The following ADK variants were observed in gnomAD, a reference collection of about 807,000 sequenced individuals.
ADK encodes adenosine kinase.
ADK carries 24 observed loss-of-function variants against 44.7 expected under a neutral mutation model. The ratio of observed to expected loss-of-function variants is 0.54; its 90% CI spans 0.39 to 0.76. The LOEUF (loss-of-function observed/expected upper bound fraction) is 0.76, where lower values mean the gene tolerates loss of function less well. Among genes scored for constraint, ADK ranks in the 30% least tolerant of loss-of-function variants. ADK has a pLI of 0.00. For synonymous variants in ADK, 128 were observed against 142.6 expected (o/e 0.90, Z 0.73); for missense variants, 321 against 425.1 (o/e 0.76, Z 2.15).
intron 4 of ADK, among the ~76,000 whole-genome samples, chr10:74,339,750 CCTATT>C (rs1340718896): frequency 5.9e-5 from 9 of 152,310 alleles, no homozygotes; most frequent in Admixed American, 2.0e-4. Flanking sequence ...GATTACCTAA[CCTATT>C]CTAGTGATAT....
intron 1 of ADK, among the ~76,000 whole-genome samples, chr10:74,181,243 T>G (rs1842545214): frequency 6.6e-6 from 1 of 151,886 alleles, no homozygotes; most frequent in Non-Finnish European, 1.5e-5. Context: ...TGATTTTTTT[T>G]TGGGGGGGGT....
intron 4 of ADK, among the ~76,000 whole-genome samples, chr10:74,327,864 A>C (rs955031993): frequency 6.6e-6 from 1 of 152,156 alleles, no homozygotes; most frequent in Non-Finnish European, 1.5e-5. Context: ...GATTGCTAAA[A>C]ATGTTTAATA....
chr10:74,280,415 A>ACACACACACACACACACACAC (rs1846887028), intron 3 of ADK, among the ~76,000 whole-genome samples: 1 of 144,342 alleles, frequency 6.9e-6, no homozygotes, highest in African/African-American at 2.6e-5. Flanking sequence ...AACAAGTTTA[A>ACACACACACACACACACACAC]ACACACACAC....
At chr10:74,436,830 TA>T (rs2133112851) in intron 6 of ADK, among the ~76,000 whole-genome samples, 2 of 152,258 alleles carry the variant, frequency 1.3e-5, no homozygotes, top group Admixed American at 1.3e-4. Flanking sequence ...TCTCAGAATC[TA>T]GGGGTAATCA....
intron 3 of ADK, among the ~76,000 whole-genome samples, chr10:74,282,951 G>T (rs769105422): frequency 1.6e-4 from 25 of 152,110 alleles, no homozygotes; most frequent in South Asian, 2.1e-4. Flanking sequence ...AGTTGTTCTG[G>T]ATGACAATGG....
At chr10:74,602,257 A>T (rs915660645) in intron 9 of ADK, among the ~76,000 whole-genome samples, 1 of 152,146 alleles carries the variant, frequency 6.6e-6, no homozygotes, top group African/African-American at 2.4e-5. Flanking sequence ...CCATGAAAAG[A>T]TATCCCTGCA....
intron 10 of ADK, among the ~76,000 whole-genome samples, chr10:74,699,734 A>C (rs1856348887): frequency 3.9e-5 from 6 of 152,218 alleles, no homozygotes; most frequent in Admixed American, 3.9e-4. Context: ...AAAAATAAGC[A>C]AAAGATAAAA....
chr10:74,598,846 T>C (rs1852020512), intron 8 of ADK, among the ~76,000 whole-genome samples: 1 of 152,212 alleles, frequency 6.6e-6, no homozygotes. Context: ...TTCAAGATGA[T>C]GAAGTGAATG....
intron 3 of ADK, among the ~76,000 whole-genome samples, chr10:74,287,960 G>T (rs1488773710): frequency 6.8e-6 from 1 of 145,998 alleles, no homozygotes; most frequent in Non-Finnish European, 1.5e-5. Context: ...CCTGCCTGGG[G>T]CGATGTACTG....
At chr10:74,266,362 G>T (rs1846212778) in intron 3 of ADK, among the ~76,000 whole-genome samples, 2 of 152,164 alleles carry the variant, frequency 1.3e-5, no homozygotes, top group African/African-American at 4.8e-5. Context: ...TTCAAGACCA[G>T]CCCGGCCAAC....
At position 74,687,706 on chromosome 10, in the gene ADK, C is replaced by T. The variant is rs142914845; in HGVS notation, c.964+17437C>T. Among the ~76,000 whole-genome samples, 447 of 152,316 alleles carry T rather than the reference C, an allele frequency of 2.9e-3. 1 individual carries two copies. The highest frequency in any genetic ancestry group is 0.01 in the South Asian group (49 of 4,826). ...TTGTATCTCAAGCTAGAAACCTAGA[C>T]GCCCTTCCTGAGTCCTTCCATTCCC... On this transcript the variant is annotated intron_variant, in intron 10 of 10. Transcript: ENST00000539909.
At chr10:74,369,952 AGTATTTAAAACTCATGTAGTTT>A (rs1225627980) in intron 4 of ADK, among the ~76,000 whole-genome samples, 2 of 152,250 alleles carry the variant, frequency 1.3e-5, no homozygotes, top group Non-Finnish European at 2.9e-5. Flanking sequence ...ATATAAGATC[AGTATTTAAAACTCATGTAGTTT>A]TCTGTACTAG....
chr10:74,309,344 A>C (rs1434304858), intron 3 of ADK, among the ~76,000 whole-genome samples: 1 of 152,144 alleles, frequency 6.6e-6, no homozygotes, highest in Non-Finnish European at 1.5e-5. Flanking sequence ...TTTTTATTTT[A>C]CATGATCTTA....
At chr10:74,270,418 T>C (rs1354234708) in intron 3 of ADK, among the ~76,000 whole-genome samples, 1 of 152,250 alleles carries the variant, frequency 6.6e-6, no homozygotes, top group Non-Finnish European at 1.5e-5. Flanking sequence ...TCTGACTTAG[T>C]AGAAGACAGC....
chr10:74,416,207 CG>C (rs1844370084), intron 6 of ADK, among the ~76,000 whole-genome samples: 1 of 151,766 alleles, frequency 6.6e-6, no homozygotes, highest in Admixed American at 6.6e-5. Flanking sequence ...GAGAGGACAA[CG>C]TTTTTCCTTT....
intron 3 of ADK, among the ~76,000 whole-genome samples, chr10:74,253,182 G>A (rs1845708492): frequency 6.6e-6 from 1 of 152,260 alleles, no homozygotes; most frequent in Non-Finnish European, 1.5e-5. Flanking sequence ...TGAACAGGCA[G>A]TGTTACAGCT....
At chr10:74,689,478 A>C (rs1456094633) in intron 10 of ADK, among the ~76,000 whole-genome samples, 4 of 152,182 alleles carry the variant, frequency 2.6e-5, no homozygotes, top group African/African-American at 7.2e-5. Flanking sequence ...AAATATATTA[A>C]AGTTATCCAG....
chr10:74,176,472 AC>A, intron 1 of ADK: 1 of 1,137,360 alleles, frequency 8.8e-7, no homozygotes, highest in Non-Finnish European at 1.1e-6. Flanking sequence ...TGACTGCTAA[AC>A]CGGTTGCCAG....
At chr10:74,350,042 C>G (rs1841912995) in intron 4 of ADK, among the ~76,000 whole-genome samples, 1 of 152,178 alleles carries the variant, frequency 6.6e-6, no homozygotes, top group Non-Finnish European at 1.5e-5. Flanking sequence ...TTGAACTAAG[C>G]TCTGGACCAA....
Sources: allele counts gnomAD v4.1 joint callset (sites outside exome capture counted in the v4.1 genomes callset), GRCh38; gene constraint gnomAD v4.1.1; transcripts MANE v1.5; gene names NCBI Gene and HGNC (gene_info 2026-07-23, HGNC 2026-07-21).